Variants in SCHIP1 observed in about 807,000 individuals in gnomAD.
SCHIP1 encodes the protein schwannomin-interacting protein 1.
In SCHIP1, 8 loss-of-function variants were observed where a neutral mutation model predicts 29.7. That is an observed-to-expected ratio of 0.27 (90% CI 0.16 to 0.49). The LOEUF is 0.49. Among genes scored for constraint, SCHIP1 ranks in the 20% least tolerant of loss-of-function variants. The pLI is 0.99. For synonymous variants in SCHIP1, 76 were observed against 94.9 expected (o/e 0.80, Z 1.16); for missense variants, 193 against 294.6 (o/e 0.66, Z 2.52).
At chr3:159,383,129 A>G in the SCHIP1 span, among the ~76,000 whole-genome samples, 1 of 150,010 alleles carries the variant, frequency 6.7e-6, no homozygotes, top group East Asian at 1.9e-4. Context: ...CCATTTGTCA[A>G]TTTTGGCTTT....
At chr3:159,530,123 G>T in the SCHIP1 span, among the ~76,000 whole-genome samples, 2 of 152,120 alleles carry the variant, frequency 1.3e-5, no homozygotes, top group African/African-American at 4.8e-5. Context: ...CAGCAGTGGG[G>T]TTGCTGGATC....
the SCHIP1 span, among the ~76,000 whole-genome samples, chr3:159,641,646 G>A: frequency 9.2e-5 from 14 of 152,222 alleles, no homozygotes; most frequent in Admixed American, 5.2e-4. Context: ...ATTAAAGAAC[G>A]AATGTCTGAT....
chr3:159,765,910 G>A, the SCHIP1 span, among the ~76,000 whole-genome samples: 1 of 152,026 alleles, frequency 6.6e-6, no homozygotes, highest in East Asian at 1.9e-4. Context: ...GACAGGGAGG[G>A]GTGCTGGAGT....
intron 1 of SCHIP1, among the ~76,000 whole-genome samples, chr3:159,856,335 A>C (rs1378335556): frequency 6.6e-6 from 1 of 152,034 alleles, no homozygotes; most frequent in Admixed American, 6.5e-5. Flanking sequence ...AACAAACTAC[A>C]TGGAACTGAT....
the SCHIP1 span, among the ~76,000 whole-genome samples, chr3:159,562,755 C>G: frequency 1.3e-5 from 2 of 152,146 alleles, no homozygotes; most frequent in East Asian, 3.8e-4. Flanking sequence ...ACATGGGAGA[C>G]AAGTATGAAA....
the SCHIP1 span, among the ~76,000 whole-genome samples, chr3:159,800,275 C>G: frequency 6.6e-6 from 1 of 152,100 alleles, no homozygotes; most frequent in African/African-American, 2.4e-5. Flanking sequence ...AAGGAGAAGT[C>G]GAGTGTAATT....
chr3:159,662,808 GTC>G, the SCHIP1 span, among the ~76,000 whole-genome samples: 2 of 152,194 alleles, frequency 1.3e-5, no homozygotes, highest in African/African-American at 4.8e-5. Context: ...CCACTTTAGA[GTC>G]TGTGTTAAGT....
the SCHIP1 span, among the ~76,000 whole-genome samples, chr3:159,626,285 TAGATAGATAGATAGA>T: frequency 1.1e-4 from 16 of 145,774 alleles, no homozygotes; most frequent in East Asian, 4.1e-4. Flanking sequence ...GATAGATAGA[TAGATAGATAGATAGA>T]TTTTTTTTTA....
the SCHIP1 span, among the ~76,000 whole-genome samples, chr3:159,562,317 T>C: frequency 6.6e-6 from 1 of 152,210 alleles, no homozygotes; most frequent in African/African-American, 2.4e-5. Flanking sequence ...TCTAAGATAC[T>C]CACTGCTGAG....
the SCHIP1 span, among the ~76,000 whole-genome samples, chr3:159,548,094 T>A: frequency 4.6e-5 from 7 of 152,202 alleles, no homozygotes; most frequent in African/African-American, 1.7e-4. Flanking sequence ...TTGTTTGGGA[T>A]TTTTAGATTT....
At chr3:159,443,808 A>G in the SCHIP1 span, among the ~76,000 whole-genome samples, 1 of 152,186 alleles carries the variant, frequency 6.6e-6, no homozygotes, top group Admixed American at 6.5e-5. Context: ...CACCCAGCCT[A>G]CAGTGAACTT....
chr3:159,320,299 C>G, the SCHIP1 span, among the ~76,000 whole-genome samples: 3 of 152,154 alleles, frequency 2.0e-5, no homozygotes, highest in African/African-American at 7.2e-5. Context: ...CTGCCTTGCC[C>G]CTTTCACCAT....
chr3:159,695,653 G>T, the SCHIP1 span, among the ~76,000 whole-genome samples: 1 of 152,050 alleles, frequency 6.6e-6, no homozygotes, highest in Non-Finnish European at 1.5e-5. Flanking sequence ...TTCCACCTTG[G>T]CTACATACTG....
At chr3:159,562,025 G>A in the SCHIP1 span, among the ~76,000 whole-genome samples, 2 of 152,126 alleles carry the variant, frequency 1.3e-5, no homozygotes, top group African/African-American at 4.8e-5. Flanking sequence ...AAGCATACAA[G>A]GATATACAAG....
At chr3:159,628,263 T>C in the SCHIP1 span, among the ~76,000 whole-genome samples, 1 of 152,140 alleles carries the variant, frequency 6.6e-6, no homozygotes, top group Admixed American at 6.6e-5. Context: ...CTTACAAAGC[T>C]TGGAACGAGC....
At chr3:159,552,039 T>G in the SCHIP1 span, among the ~76,000 whole-genome samples, 1 of 141,906 alleles carries the variant, frequency 7.0e-6, no homozygotes, top group Non-Finnish European at 1.5e-5. Context: ...TTGCTTTTTT[T>G]TTTTTTTTTT....
the SCHIP1 span, among the ~76,000 whole-genome samples, chr3:159,780,796 G>T: frequency 2.6e-5 from 4 of 152,324 alleles, no homozygotes; most frequent in South Asian, 8.3e-4. Flanking sequence ...CAGCTAACTA[G>T]CCCCCATAGG....
the SCHIP1 span, among the ~76,000 whole-genome samples, chr3:159,712,290 T>C: frequency 5.9e-5 from 9 of 152,350 alleles, no homozygotes; most frequent in East Asian, 1.7e-3. Context: ...GTAGAATGTA[T>C]GCAAAGTAAA....
chr3:159,336,192 T>C, the SCHIP1 span, among the ~76,000 whole-genome samples: 1 of 152,202 alleles, frequency 6.6e-6, no homozygotes, highest in Non-Finnish European at 1.5e-5. Context: ...GATGGAGTTG[T>C]TTGTTTTTTT....
Sources: gnomAD v4.1 joint callset for allele counts (sites outside exome capture counted in the v4.1 genomes callset) on GRCh38, gnomAD v4.1.1 for gene constraint, MANE v1.5 for transcripts, NCBI Gene and HGNC (gene_info 2026-07-23, HGNC 2026-07-21) for gene names.